SASH1: variants seen among roughly 807,000 people sequenced by gnomAD.
SASH1 encodes the protein SAM and SH3 domain containing 1.
A neutral mutation model predicts 125.2 loss-of-function variants in SASH1; 44 were observed. That is an observed-to-expected ratio of 0.35 (90% CI 0.28 to 0.45). The LOEUF is 0.45. Among genes scored for constraint, SASH1 ranks in the 20% least tolerant of loss-of-function variants. SASH1 has a pLI of 1.00. For missense variants in SASH1, 1,426 were observed against 1,614.5 expected (o/e 0.88, Z 2.00); for synonymous variants, 639 against 649.1 (o/e 0.98, Z 0.24).
At chr6:148,326,059 ACT>A (rs1780786122) in intron 1 of SASH1, among the ~76,000 whole-genome samples, 1 of 143,434 alleles carries the variant, frequency 7.0e-6, no homozygotes, top group Non-Finnish European at 1.5e-5. Flanking sequence ...AGACAGTCTC[ACT>A]CTGTCACCCA....
chr6:148,355,334 G>T (rs72563860), intron 1 of SASH1, among the ~76,000 whole-genome samples: 23 of 152,232 alleles, frequency 1.5e-4, no homozygotes, highest in African/African-American at 5.3e-4. Context: ...AACATGTGAC[G>T]CCCAGGTGGT....
chr6:148,233,365 G>A, the SASH1 span, among the ~76,000 whole-genome samples: 1 of 152,040 alleles, frequency 6.6e-6, no homozygotes, highest in East Asian at 1.9e-4. Flanking sequence ...AGAAAGAGGG[G>A]GAAGCTTTCA....
chr6:148,204,494 C>T, the SASH1 span, among the ~76,000 whole-genome samples: 1 of 152,092 alleles, frequency 6.6e-6, no homozygotes, highest in Non-Finnish European at 1.5e-5. Context: ...GAGTTCAAGA[C>T]CAGCCTGGCC....
At chr6:148,304,602 T>C (rs916812800) in intron 1 of SASH1, among the ~76,000 whole-genome samples, 15 of 151,878 alleles carry the variant, frequency 9.9e-5, no homozygotes, top group African/African-American at 3.4e-4. Flanking sequence ...AGAGTGAGAC[T>C]CCATCTCAAA....
chr6:148,540,065 TTTA>T (rs1782124713), intron 16 of SASH1, among the ~76,000 whole-genome samples: 1 of 152,062 alleles, frequency 6.6e-6, no homozygotes, highest in South Asian at 2.1e-4. Context: ...GAATGGGGCG[TTTA>T]TTCTTTCTTT....
At chr6:148,489,330 C>A (rs1779003454) in intron 8 of SASH1, among the ~76,000 whole-genome samples, 3 of 152,130 alleles carry the variant, frequency 2.0e-5, no homozygotes, top group African/African-American at 7.2e-5. Context: ...TGGACTATCT[C>A]TGTCATTTTG....
the SASH1 span, among the ~76,000 whole-genome samples, chr6:148,209,999 T>C: frequency 6.6e-6 from 1 of 152,098 alleles, no homozygotes; most frequent in African/African-American, 2.4e-5. Flanking sequence ...AAGGAAAACA[T>C]AGATTGTAAG....
At chr6:148,497,358 A>C (rs188198642) in intron 8 of SASH1, among the ~76,000 whole-genome samples, 4 of 152,150 alleles carry the variant, frequency 2.6e-5, no homozygotes, top group Non-Finnish European at 4.4e-5. Flanking sequence ...GTATTTGTTG[A>C]GTCCCTAAGA....
chr6:148,314,576 CA>C (rs1179762946), intron 1 of SASH1, among the ~76,000 whole-genome samples: 1 of 152,092 alleles, frequency 6.6e-6, no homozygotes, highest in African/African-American at 2.4e-5. Flanking sequence ...CTCTAATCTA[CA>C]GCATAAGTTT....
intron 4 of SASH1, among the ~76,000 whole-genome samples, chr6:148,467,088 C>CTTTTTTT (rs71004298): frequency 7.7e-4 from 54 of 69,946 alleles, no homozygotes; most frequent in East Asian, 1.7e-3. Flanking sequence ...TTCCCTGTTC[C>CTTTTTTT]TTTTTTTTTT....
chr6:148,437,331 CTG>C (rs1329844700), intron 2 of SASH1, among the ~76,000 whole-genome samples: 3 of 152,146 alleles, frequency 2.0e-5, no homozygotes, highest in Non-Finnish European at 4.4e-5. Context: ...TAAATGATGA[CTG>C]TAATCTCTTA....
At chr6:148,504,995 C>T (rs1480133258) in intron 8 of SASH1, among the ~76,000 whole-genome samples, 3 of 152,162 alleles carry the variant, frequency 2.0e-5, no homozygotes, top group African/African-American at 4.8e-5. Context: ...CGCCACCCTC[C>T]CCAAAGTATC....
intron 8 of SASH1, among the ~76,000 whole-genome samples, chr6:148,503,421 A>G (rs13437062): frequency 2.8e-4 from 43 of 152,354 alleles, no homozygotes; most frequent in Non-Finnish European, 4.9e-4. Flanking sequence ...ACGGGGGACC[A>G]TGATATCAGT....
In SASH1 at chr6:148,471,397, T is replaced by C. The variant is rs1296036616; in HGVS notation, c.428-20T>C. On this transcript the variant is annotated intron_variant, in intron 5 of 19. Transcript: ENST00000367467. The stretch of plus-strand genomic sequence containing the variant: ...TTGTGCTTTTTGTTCTTTTTTTTTT[T>C]TTTTTTTTTTTTTTTTAAGGAAAAG... 8.0e-7 allele frequency: 1 copy of C among 1,254,402 alleles called. No individual in the cohort carries two copies. Among genetic ancestry groups the C allele is most frequent in the Non-Finnish European group, 1.1e-6 (1 of 925,952 alleles). The allele number at this position is 1,254,402 out of a possible 1,614,324, so 77.7% of individuals were successfully genotyped here. A position where few individuals can be genotyped will look rare whatever the true frequency, so the allele number is the denominator to read the frequency against.
At chr6:148,215,715 C>T in the SASH1 span, among the ~76,000 whole-genome samples, 11 of 152,108 alleles carry the variant, frequency 7.2e-5, no homozygotes, top group African/African-American at 2.7e-4. Context: ...GTCGTTTCAT[C>T]GCATCCCCAG....
In SASH1 at chr6:148,449,079, T is replaced by TTTTTCTTTTTCTTTTTTTC. The variant is rs1554258785; in HGVS notation, c.386+8676_386+8677insCTTTTTCTTTTTTTCTTTT. 8.1e-5 allele frequency among the ~76,000 whole-genome samples: 5 copies of TTTTTCTTTTTCTTTTTTTC among 61,456 alleles called. 1 individual carries two copies. The highest frequency in any genetic ancestry group is 1.8e-4 in the Non-Finnish European group (5 of 27,782). The allele number at this position is 61,456 out of a possible 152,430, so 40.3% of individuals were successfully genotyped here. The stretch of plus-strand genomic sequence containing the variant: ...AGACTGGCTAATTTCATTTCATTTC[T>TTTTTCTTTTTCTTTTTTTC]TTTTTTTTTTTTTTGGAGACAGAGT... On this transcript the variant is annotated intron_variant, in intron 4 of 19. Transcript: ENST00000367467.
At chr6:148,400,629 T>C (rs529678812) in intron 2 of SASH1, among the ~76,000 whole-genome samples, 219 of 152,240 alleles carry the variant, frequency 1.4e-3, no homozygotes, top group African/African-American at 5.0e-3. Flanking sequence ...CACACACCTA[T>C]TGTCCCAGCC....
chr6:148,205,523 G>A, the SASH1 span, among the ~76,000 whole-genome samples: 1 of 152,138 alleles, frequency 6.6e-6, no homozygotes, highest in African/African-American at 2.4e-5. Context: ...GGCCAAGTAG[G>A]TGTTTGTCTC....
At chr6:148,375,143 G>A (rs1414030745) in intron 1 of SASH1, among the ~76,000 whole-genome samples, 1 of 151,122 alleles carries the variant, frequency 6.6e-6, no homozygotes, top group Non-Finnish European at 1.5e-5. Flanking sequence ...GGCATGCACC[G>A]CCACACACAT....
Sources: allele counts gnomAD v4.1 joint callset (sites outside exome capture counted in the v4.1 genomes callset), GRCh38; gene constraint gnomAD v4.1.1; transcripts MANE v1.5; gene names NCBI Gene and HGNC (gene_info 2026-07-23, HGNC 2026-07-21).